Variants in MAP4 observed in about 807,000 individuals in gnomAD.
The protein encoded by MAP4 is microtubule-associated protein 4.
A neutral mutation model predicts 170.2 loss-of-function variants in MAP4; 76 were observed. That is an observed-to-expected ratio of 0.45 (90% confidence interval 0.37 to 0.54). The LOEUF (loss-of-function observed/expected upper bound fraction) is 0.54. Ranked by LOEUF, MAP4 falls within the 20% of genes least tolerant of loss-of-function variation. MAP4 has a pLI of 0.00. For synonymous variants in MAP4, 909 were observed against 994.5 expected (o/e 0.91, Z 1.62); for missense variants, 2,506 against 2,748.0 (o/e 0.91, Z 1.97).
intron 1 of MAP4, among the ~76,000 whole-genome samples, chr3:48,060,225 T>G (rs1323524913): frequency 6.6e-6 from 1 of 152,200 alleles, no homozygotes; most frequent in Non-Finnish European, 1.5e-5. Context: ...TCTGTTGATC[T>G]TTCTCAGCCA....
At chr3:48,030,372 G>T (rs2100115392) in intron 1 of MAP4, among the ~76,000 whole-genome samples, 1 of 151,490 alleles carries the variant, frequency 6.6e-6, no homozygotes, top group Admixed American at 6.6e-5. Context: ...CTCTGATAAA[G>T]AAACCAAGAC....
chr3:47,853,436 AGC>A, intron 19 of MAP4, 84 bp from the exon 20 acceptor site: 5 of 971,242 alleles, frequency 5.1e-6, no homozygotes, highest in Non-Finnish European at 7.5e-6. Flanking sequence ...TTTCACACAC[AGC>A]CCCCACCCTT....
At chr3:48,062,672 C>A (rs1238822527) in intron 1 of MAP4, among the ~76,000 whole-genome samples, 1 of 151,164 alleles carries the variant, frequency 6.6e-6, no homozygotes, top group Non-Finnish European at 1.5e-5. Flanking sequence ...CCTGTAATCC[C>A]AGCACTTTGG....
At chr3:47,997,387 GAAATATTTTT>G (rs1289068507) in intron 2 of MAP4, among the ~76,000 whole-genome samples, 3 of 130,912 alleles carry the variant, frequency 2.3e-5, no homozygotes, top group Admixed American at 7.9e-5. Flanking sequence ...ATTCACAAAG[GAAATATTTTT>G]AAATATTTTT....
chr3:47,942,369 ATTAAAAAC>A (rs1007543446), intron 3 of MAP4, among the ~76,000 whole-genome samples: 6 of 152,148 alleles, frequency 3.9e-5, no homozygotes, highest in Admixed American at 1.3e-4. Context: ...TTTTTTTTAA[ATTAAAAAC>A]TTTTTTTTCT....
At chr3:47,869,147 G>A in intron 16 of MAP4, 67 bp downstream of exon 16, 1 of 1,227,268 alleles carries the variant, frequency 8.1e-7, no homozygotes, top group Non-Finnish European at 1.2e-6. Flanking sequence ...GAGAGGGCAT[G>A]TGGCTCAGGC....
rs138604401 is a variant in MAP4, at chr3:48,083,787, C to T, written c.-20+4986G>A. Reference sequence around the variant, plus strand: ...TGTTGCCCAGGCTGGAGTGCAGTGGCGTGATCTTGGCTCCCTGCAACCTGT... The same window carrying T: ...TGTTGCCCAGGCTGGAGTGCAGTGGTGTGATCTTGGCTCCCTGCAACCTGT... On this transcript the variant is annotated intron_variant, in intron 1 of 18. Transcript: ENST00000360240. Among the ~76,000 whole-genome samples, 623 of 147,874 alleles carry T rather than the reference C, an allele frequency of 4.2e-3. 5 individuals carry two copies. The highest frequency in any genetic ancestry group is 0.015 in the African/African-American group (588 of 40,202).
At chr3:47,950,254 C>T (rs558013209) in intron 3 of MAP4, among the ~76,000 whole-genome samples, 7 of 152,324 alleles carry the variant, frequency 4.6e-5, no homozygotes, top group South Asian at 4.1e-4. Flanking sequence ...TTTATGTTAA[C>T]TTTCCCTTGT....
At chr3:47,975,306 T>C (rs896275430) in intron 3 of MAP4, 68 of 1,513,016 alleles carry the variant, frequency 4.5e-5, no homozygotes, top group South Asian at 1.0e-4. Context: ...TCAGCAGAAA[T>C]AGGCCCCGAA....
At chr3:47,951,961 C>A (rs578000335) in intron 3 of MAP4, among the ~76,000 whole-genome samples, 51 of 151,700 alleles carry the variant, frequency 3.4e-4, no homozygotes, top group Admixed American at 9.8e-4. Flanking sequence ...CTCTGCCCGG[C>A]CGCCCACTGT....
chr3:47,942,129 A>G (rs904330907), intron 3 of MAP4, among the ~76,000 whole-genome samples: 4 of 152,196 alleles, frequency 2.6e-5, no homozygotes, highest in Admixed American at 6.5e-5. Context: ...CAGAAAGTCA[A>G]GAAATCCAAG....
Position 47,909,243 on chromosome 3 carries a change from G to C in MAP4, c.5178C>G (p.Pro1726=). ...GAGGTGTCTCCAAAATCTTATCTTT[G>C]GGTTCTGGGAGTCGAACACCCTTGG... ...TASKGVRLPE[P]KDKILETPQK... Residue 1726 remains proline (P), a synonymous_variant, in exon 9 of 21, where the codon CCC becomes CCG. Transcript: ENST00000683076. 1 of 1,613,654 alleles carries C rather than the reference G, an allele frequency of 6.2e-7. No homozygotes were observed. Among genetic ancestry groups the C allele is most frequent in the Non-Finnish European group, 8.5e-7 (1 of 1,179,836 alleles).
chr3:48,071,970 T>C (rs1393765710), intron 1 of MAP4, among the ~76,000 whole-genome samples: 1 of 150,874 alleles, frequency 6.6e-6, no homozygotes, highest in Non-Finnish European at 1.5e-5. Flanking sequence ...TCTGTAACCC[T>C]AGCATTTTGG....
At chr3:47,956,321 G>C (rs757411873) in intron 3 of MAP4, among the ~76,000 whole-genome samples, 6 of 142,440 alleles carry the variant, frequency 4.2e-5, no homozygotes, top group Non-Finnish European at 7.9e-5. Flanking sequence ...CAGCTGACTG[G>C]GGAAAGAAAA....
chr3:47,916,398 C>A lies in MAP4; in HGVS notation c.1429G>T (p.Asp477Tyr). The change falls in exon 7 of 21, where the codon GAC becomes TAC. Residue 477 changes from aspartate to tyrosine, a missense_variant. Physicochemically the swap from Asp to Tyr is radical, Grantham distance 160. Coordinates refer to ENST00000683076, the MANE Select transcript of MAP4 (RefSeq NM_001385682.1). ...TCTGTTTCTGGGAGTTGAGCCATGT[C>A]CTTGACTGGGGCCACCTCTGCTTCT... ...PLEAEVAPVK[D>Y]MAQLPETEIA... 1 of 1,614,188 alleles carries A rather than the reference C, an allele frequency of 6.2e-7. No individual in the cohort carries two copies. The highest frequency in any genetic ancestry group is 8.5e-7 in the Non-Finnish European group (1 of 1,180,036).
At chr3:47,891,693 A>G in intron 10 of MAP4, 2 of 1,536,552 alleles carry the variant, frequency 1.3e-6, no homozygotes, top group Non-Finnish European at 1.7e-6. Flanking sequence ...CTGATGTGAC[A>G]GCTTGCATTC....
chr3:47,914,999 A>G (rs1251541104), intron 7 of MAP4, 60 bp from the exon 8 acceptor site: 2 of 1,607,166 alleles, frequency 1.2e-6, no homozygotes, highest in African/African-American at 1.3e-5. Context: ...GCTATTTTCC[A>G]TCTGCCAGAA....
rs766197744 is a variant in MAP4 at position 47,909,662 on chromosome 3, G to A, written c.4759C>T (p.Pro1587Ser). Residue 1587 changes from proline (P) to serine (S), a missense_variant, in exon 9 of 21, where the codon CCA (proline) becomes TCA (serine). This residue lies in a region of MAP4 where 2,008 missense variants were observed against 2,206.0 expected (regional missense o/e 0.91). Coordinates refer to ENST00000683076, the MANE Select transcript of MAP4 (RefSeq NM_001385682.1). Reference sequence around the variant, plus strand: ...CCTTCTAGGGCTCTGGCCTCTCCTGGTAGGCTCTGGTCTTCTACTGGCACT... The same window carrying A: ...CCTTCTAGGGCTCTGGCCTCTCCTGATAGGCTCTGGTCTTCTACTGGCACT... ...PGVPVEDQSL[P>S]GEARALEGYA... is the part of the protein sequence containing the mutation. 6.2e-7 allele frequency: 1 copy of A among 1,613,940 alleles called. No homozygotes were observed. Among genetic ancestry groups the A allele is most frequent in the East Asian group, 2.2e-5 (1 of 44,886 alleles).
chr3:47,970,732 G>A (rs1578523321), intron 3 of MAP4, among the ~76,000 whole-genome samples: 1 of 152,060 alleles, frequency 6.6e-6, no homozygotes, highest in African/African-American at 2.4e-5. Context: ...CAGGAGAATC[G>A]CTCGAACCTG....
Sources: allele counts gnomAD v4.1 joint callset (sites outside exome capture counted in the v4.1 genomes callset), GRCh38; gene constraint gnomAD v4.1.1; regional missense constraint gnomAD v4.1.1; transcripts MANE v1.5; gene names NCBI Gene and HGNC (gene_info 2026-07-23, HGNC 2026-07-21).